The following SIPA1L2 variants were observed in gnomAD, a reference collection of about 807,000 sequenced individuals.
SIPA1L2 encodes signal induced proliferation associated 1 like 2, also known as signal-induced proliferation-associated 1-like protein 2.
A neutral mutation model predicts 163.9 loss-of-function variants in SIPA1L2; 56 were observed. That is an observed-to-expected ratio of 0.34 (90% CI 0.28 to 0.43). The LOEUF (loss-of-function observed/expected upper bound fraction) is 0.43, where lower values mean the gene tolerates loss of function less well. SIPA1L2 is among the 20% of genes least tolerant of loss of function. The probability of loss-of-function intolerance (pLI) is 1.00; values close to 1 mark genes in which losing one functional copy is unlikely to be tolerated. For missense variants in SIPA1L2, 1,974 were observed against 2,193.5 expected, an observed-to-expected ratio of 0.90 and a Z score of 2.00; for synonymous variants, 877 against 865.7, an observed-to-expected ratio of 1.01 and a Z score of -0.23.
intron 1 of SIPA1L2, among the ~76,000 whole-genome samples, chr1:232,626,729 C>T (rs1160550960): frequency 6.6e-6 from 1 of 152,100 alleles, no homozygotes; most frequent in Non-Finnish European, 1.5e-5. Context: ...TTACTATAGG[C>T]CAAGGCAAAG....
chr1:232,548,914 G>C (rs1658214450), intron 2 of SIPA1L2, among the ~76,000 whole-genome samples: 1 of 152,236 alleles, frequency 6.6e-6, no homozygotes, highest in Non-Finnish European at 1.5e-5. Flanking sequence ...AGGTACAGAA[G>C]TGGAAAGGCC....
At chr1:232,460,233 T>C (rs769035194) in intron 10 of SIPA1L2, among the ~76,000 whole-genome samples, 2 of 152,226 alleles carry the variant, frequency 1.3e-5, no homozygotes, top group South Asian at 2.1e-4. Context: ...CTATTAGTAA[T>C]GTAATAGTAT....
At chr1:232,597,524 A>C (rs1661331011) in intron 1 of SIPA1L2, among the ~76,000 whole-genome samples, 1 of 111,634 alleles carries the variant, frequency 9.0e-6, no homozygotes, top group South Asian at 3.0e-4. Flanking sequence ...AAAAAATACC[A>C]AAAAAAAAAA....
At chr1:232,570,771 A>C (rs537224333) in intron 2 of SIPA1L2, among the ~76,000 whole-genome samples, 1 of 152,256 alleles carries the variant, frequency 6.6e-6, no homozygotes, top group Non-Finnish European at 1.5e-5. Flanking sequence ...TTAAAACAAG[A>C]GAGAATACCT....
intron 3 of SIPA1L2, among the ~76,000 whole-genome samples, chr1:232,505,792 G>C (rs1488791364): frequency 6.6e-6 from 1 of 152,180 alleles, no homozygotes; most frequent in Non-Finnish European, 1.5e-5. Flanking sequence ...TGGCCAGGGA[G>C]AGAGGTGAAG....
chr1:232,426,977 A>G lies in SIPA1L2; in HGVS notation c.4411-1169T>C, dbSNP rs558882127. Among the ~76,000 whole-genome samples the G allele has an allele frequency of 3.9e-5, 6 of 152,346 alleles. No homozygotes were observed. In the East Asian group the frequency reaches 1.2e-3, roughly 29 times the overall value. On this transcript the variant is annotated intron_variant, in intron 17 of 22. Coordinates refer to ENST00000674635, the MANE Select transcript of SIPA1L2 (RefSeq NM_020808.5). ...TATGAATGTAGCAGTAAGTCTAAAA[A>G]TATTCCTATTGTGTGTGTTCCTTCC...
At chr1:232,442,192 G>C (rs182914542) in intron 12 of SIPA1L2, among the ~76,000 whole-genome samples, 1 of 151,670 alleles carries the variant, frequency 6.6e-6, no homozygotes, top group Non-Finnish European at 1.5e-5. Flanking sequence ...GGAGGAGGTC[G>C]CATTTTTACG....
chr1:232,447,940 T>A (rs1663312744), intron 10 of SIPA1L2, among the ~76,000 whole-genome samples: 1 of 152,232 alleles, frequency 6.6e-6, no homozygotes. Context: ...ATCACTTTTT[T>A]ATTGAGTCTG....
chr1:232,404,100 C>CCAACGAGCAG (rs1660504624), intron 20 of SIPA1L2, 25 bp downstream of exon 20: 1 of 1,613,812 alleles, frequency 6.2e-7, no homozygotes, highest in East Asian at 2.2e-5. Context: ...ATATCAGGAG[C>CCAACGAGCAG]CAACGAGCAG....
At chr1:232,546,766 C>T (rs2103123109) in intron 2 of SIPA1L2, among the ~76,000 whole-genome samples, 1 of 152,320 alleles carries the variant, frequency 6.6e-6, no homozygotes, top group African/African-American at 2.4e-5. Context: ...TGCATTAAGA[C>T]ATGTTGACAG....
chr1:232,503,225 A>G (rs1321737679), intron 3 of SIPA1L2, among the ~76,000 whole-genome samples: 1 of 152,236 alleles, frequency 6.6e-6, no homozygotes, highest in African/African-American at 2.4e-5. Flanking sequence ...ACAGGGCAAG[A>G]TAAAAAAAAT....
Position 232,445,606 on chromosome 1 carries a change from G to C in SIPA1L2, c.3276C>G (p.Cys1092Trp), listed in dbSNP as rs1663167824. 2 of 1,613,676 alleles carry C rather than the reference G, an allele frequency of 1.2e-6. No individual in the cohort carries two copies. Among genetic ancestry groups the C allele is most frequent in the Admixed American group, 1.7e-5 (1 of 60,000 alleles). The change falls in exon 11 of 23, where the codon TGC (cysteine) becomes TGG (tryptophan). Residue 1092 changes from cysteine (C) to tryptophan (W), a missense_variant. Coordinates refer to ENST00000674635, the MANE Select transcript of SIPA1L2 (RefSeq NM_020808.5). ...CCTGGGCCTGCTGGAGCAGCTGTTG[G>C]CACGGCAGCCGGTCGGGCGTGCCGG... ...PIPGTPDRLP[C>W]QQLLQQAQAA...
intron 2 of SIPA1L2, among the ~76,000 whole-genome samples, chr1:232,568,690 A>C (rs913144095): frequency 1.3e-5 from 2 of 152,140 alleles, no homozygotes; most frequent in African/African-American, 4.8e-5. Flanking sequence ...CAAATCCTCA[A>C]ACCCTATGAA....
At chr1:232,537,010 T>C (rs938648893) in intron 2 of SIPA1L2, among the ~76,000 whole-genome samples, 11 of 152,106 alleles carry the variant, frequency 7.2e-5, no homozygotes, top group Admixed American at 2.6e-4. Flanking sequence ...CCACAGCAGG[T>C]GGATCGCTGA....
chr1:232,495,079 G>C (rs549480454), intron 3 of SIPA1L2, among the ~76,000 whole-genome samples: 4 of 152,282 alleles, frequency 2.6e-5, no homozygotes, highest in Non-Finnish European at 5.9e-5. Flanking sequence ...AAAACAGAAA[G>C]AGATCAGCAA....
intron 2 of SIPA1L2, among the ~76,000 whole-genome samples, chr1:232,571,034 CA>C (rs1659697779): frequency 6.7e-6 from 1 of 148,282 alleles, no homozygotes; most frequent in South Asian, 2.1e-4. Context: ...TACTCTATTG[CA>C]AAAGGTATCT....
At chr1:232,511,961 T>C (rs768445689) in intron 3 of SIPA1L2, among the ~76,000 whole-genome samples, 3 of 152,100 alleles carry the variant, frequency 2.0e-5, no homozygotes, top group Non-Finnish European at 2.9e-5. Context: ...GGGAGAAAAT[T>C]TTTGCAATCT....
chr1:232,492,173 A>G (rs1665963723), intron 4 of SIPA1L2, among the ~76,000 whole-genome samples: 1 of 152,176 alleles, frequency 6.6e-6, no homozygotes, highest in African/African-American at 2.4e-5. Context: ...TAAGATGAAC[A>G]GGGGTACACA....
chr1:232,624,381 C>CCA (rs1272233555), intron 1 of SIPA1L2, among the ~76,000 whole-genome samples: 1 of 152,144 alleles, frequency 6.6e-6, no homozygotes, highest in African/African-American at 2.4e-5. Flanking sequence ...ATGTGAATAC[C>CCA]CACTGTTCAA....
Sources: gnomAD v4.1 joint callset for allele counts (sites outside exome capture counted in the v4.1 genomes callset) on GRCh38, gnomAD v4.1.1 for gene constraint, MANE v1.5 for transcripts, NCBI Gene and HGNC (gene_info 2026-07-23, HGNC 2026-07-21) for gene names.